The following TNKS2 variants were observed in gnomAD, a reference collection of about 807,000 sequenced individuals.
TNKS2 encodes tankyrase 2.
A neutral mutation model predicts 137.6 loss-of-function variants in TNKS2; 72 were observed. That is an observed-to-expected ratio of 0.52 (90% CI 0.43 to 0.64). The LOEUF (loss-of-function observed/expected upper bound fraction) is 0.64. Among genes scored for constraint, TNKS2 ranks in the 30% least tolerant of loss-of-function variants. The pLI is 0.00. For missense variants in TNKS2, 1,049 were observed against 1,410.2 expected, an observed-to-expected ratio of 0.74 and a Z score of 4.10; for synonymous variants, 516 against 512.1, an observed-to-expected ratio of 1.01 and a Z score of -0.10.
rs191112698 is a variant in TNKS2 at position 91,822,380 on chromosome 10, C to T, written c.795+18C>T. ...TGGTCAAGGTTAGTGCTCTTGTACT[C>T]TCCTAATTACTTTCTAGAGTTATAT... On this transcript the variant is annotated intron_variant, in intron 7 of 26. Coordinates refer to ENST00000371627, the MANE Select transcript of TNKS2 (RefSeq NM_025235.4). 2 of 1,574,002 alleles carry T rather than the reference C, an allele frequency of 1.3e-6. No homozygotes were observed. The highest frequency in any genetic ancestry group is 2.2e-5 in the East Asian group (1 of 44,590).
chr10:91,820,184 A>G (rs1844843694), intron 6 of TNKS2, 151 bp downstream of exon 6: 1 of 448,310 alleles, frequency 2.2e-6, no homozygotes, highest in Non-Finnish European at 3.9e-6. Context: ...GGCGCAGGAA[A>G]TTATAAAACC....
Position 91,833,881 on chromosome 10 carries a change from C to G in TNKS2, c.1304C>G (p.Thr435Ser), listed in dbSNP as rs778815237. ...AATGCTCTGGATAATCTTGGTCAGACTTCTCTACACAGAGCTGCATATTGT... is the reference window on the plus strand; with the variant it reads ...AATGCTCTGGATAATCTTGGTCAGAGTTCTCTACACAGAGCTGCATATTGT... ...KVNALDNLGQ[T>S]SLHRAAYCGH... Residue 435 changes from threonine (T) to serine (S), a missense_variant, in exon 12 of 27, where the codon ACT becomes AGT. Around this residue, in one of 6 missense-constraint regions of TNKS2, gnomAD observed 328 missense variants for 436.0 expected, o/e 0.75. Transcript: ENST00000371627. 48 of 1,603,968 alleles carry G rather than the reference C, an allele frequency of 3.0e-5. No individual in the cohort carries two copies. Among genetic ancestry groups the G allele is most frequent in the Non-Finnish European group, 4.1e-5 (48 of 1,177,004 alleles).
chr10:91,803,573 G>A (rs1203839495), intron 1 of TNKS2, among the ~76,000 whole-genome samples: 1 of 152,228 alleles, frequency 6.6e-6, no homozygotes, highest in Non-Finnish European at 1.5e-5. Flanking sequence ...AGCCAAGGCT[G>A]CAGTGAGCCG....
In TNKS2 at chr10:91,798,533, G is replaced by A. The variant is rs1224752220; in HGVS notation, c.-158G>A. ...AGCCCAGCGAGGGGCGCGCGTGGGCGCGGCCATGGGACTGCGCCGGATCCG... is the reference window on the plus strand; with the variant it reads ...AGCCCAGCGAGGGGCGCGCGTGGGCACGGCCATGGGACTGCGCCGGATCCG... On this transcript the variant is annotated 5_prime_UTR_variant, in exon 1 of 27. Transcript: ENST00000371627. The A allele has an allele frequency of 5.8e-6, 5 of 864,428 alleles. No homozygotes were observed. Among genetic ancestry groups the A allele is most frequent in the Non-Finnish European group, 7.5e-6 (5 of 666,178 alleles). The allele number at this position is 864,428 out of a possible 1,614,324, so 53.5% of individuals were successfully genotyped here.
chr10:91,862,144 AGAG>A lies in TNKS2; in HGVS notation c.3431_3433del (p.Gly1144del). ...AGCATTAGCTGAATATGTTATTTAC[AGAG>A]GAGAACAGGTAATGTAGTTTTATTT... On this transcript the variant is annotated inframe_deletion, in exon 26 of 27. Transcript: ENST00000371627. 1 of 1,598,568 alleles carries A rather than the reference AGAG, an allele frequency of 6.3e-7. No homozygotes were observed. The highest frequency in any genetic ancestry group is 1.3e-5 in the African/African-American group (1 of 74,284).
chr10:91,855,776 C>A, intron 23 of TNKS2, 88 bp downstream of exon 23: 2 of 939,708 alleles, frequency 2.1e-6, no homozygotes, highest in Non-Finnish European at 3.2e-6. Context: ...TCTAATCTGT[C>A]TAGCCTGGTA....
At chr10:91,812,927 T>C in intron 1 of TNKS2, 56 bp from the exon 2 acceptor site, 1 of 1,588,820 alleles carries the variant, frequency 6.3e-7, no homozygotes, top group East Asian at 2.2e-5. Context: ...GGTACTTATC[T>C]AATTTGATAT....
chr10:91,820,726 G>A (rs1245488984), intron 6 of TNKS2, among the ~76,000 whole-genome samples: 3 of 152,200 alleles, frequency 2.0e-5, no homozygotes, highest in African/African-American at 7.2e-5. Context: ...AGAGAGAGGA[G>A]ACTAGAAGCA....
At chr10:91,839,433 C>G (rs1564621332) in intron 13 of TNKS2, among the ~76,000 whole-genome samples, 1 of 152,062 alleles carries the variant, frequency 6.6e-6, no homozygotes, top group South Asian at 2.1e-4. Context: ...ACGTCTGCCT[C>G]CCAGGTTCAA....
intron 24 of TNKS2, among the ~76,000 whole-genome samples, chr10:91,858,309 A>G (rs1842764607): frequency 6.6e-6 from 1 of 152,182 alleles, no homozygotes; most frequent in African/African-American, 2.4e-5. Context: ...CCTTATTCCA[A>G]AACCCTAAAT....
At position 91,862,017 on chromosome 10, in the gene TNKS2, G is replaced by C; in HGVS notation, c.3300G>C (p.Arg1100=). 6.2e-7 allele frequency: 1 copy of C among 1,608,538 alleles called. No homozygotes were observed. The highest frequency in any genetic ancestry group is 8.5e-7 in the Non-Finnish European group (1 of 1,177,430). ...YICHRQLLFC[R]VTLGKSFLQF... is the part of the protein sequence containing the mutation. ...TTTATAGGCAGCTGCTCTTTTGCCG[G>C]GTAACCTTGGGAAAGTCTTTCCTGC... Residue 1100 remains arginine (R), a synonymous_variant, in exon 26 of 27, where the codon CGG becomes CGC. Transcript: ENST00000371627.
chr10:91,819,746 A>G (rs1047510475), intron 5 of TNKS2, among the ~76,000 whole-genome samples, 189 bp downstream of exon 5: 2 of 152,226 alleles, frequency 1.3e-5, no homozygotes, highest in African/African-American at 2.4e-5. Flanking sequence ...TTTGCTTCCT[A>G]TATGCAATAG....
intron 8 of TNKS2, among the ~76,000 whole-genome samples, chr10:91,828,043 G>T (rs541703661): frequency 6.6e-6 from 1 of 152,210 alleles, no homozygotes; most frequent in South Asian, 2.1e-4. Flanking sequence ...TGAATCTGCC[G>T]TGGGCTAAAC....
chr10:91,862,928 C>A lies in TNKS2; in HGVS notation c.3439-9C>A, dbSNP rs1217010616. 2 of 1,593,890 alleles carry A rather than the reference C, an allele frequency of 1.3e-6. No homozygotes were observed. Among genetic ancestry groups the A allele is most frequent in the East Asian group, 4.5e-5 (2 of 44,736 alleles). On this transcript the variant is annotated splice_polypyrimidine_tract_variant and intron_variant, in intron 26 of 26. Transcript: ENST00000371627. Reference sequence around the variant, plus strand: ...TGTACCATTATTTGAATTTATCTTTCTCTTCCAGGCTTATCCTGAGTATTT... The same window carrying A: ...TGTACCATTATTTGAATTTATCTTTATCTTCCAGGCTTATCCTGAGTATTT...
At position 91,827,217 on chromosome 10, in the gene TNKS2, T is replaced by G; in HGVS notation, c.982+14T>G. On this transcript the variant is annotated intron_variant, in intron 8 of 26. Transcript: ENST00000371627. ...AAAGATTAGCATGTGAGTATAAAAT[T>G]ATGAATGTTCAGGTAGGATATTATA... is the stretch of plus-strand genomic sequence containing the variant. The G allele has an allele frequency of 1.3e-6, 2 of 1,499,780 alleles. No homozygotes were observed. Among genetic ancestry groups the G allele is most frequent in the Non-Finnish European group, 1.8e-6 (2 of 1,118,054 alleles). 92.9% of individuals were successfully genotyped at this position (1,499,780 alleles called of 1,614,324 possible). A position where few individuals can be genotyped will look rare whatever the true frequency, so the allele number is the denominator to read the frequency against.
intron 5 of TNKS2, 84 bp downstream of exon 5, chr10:91,819,641 A>G: frequency 1.8e-6 from 2 of 1,099,798 alleles, no homozygotes; most frequent in East Asian, 2.5e-5. Context: ...AAATTGAAAC[A>G]TATTTGAAGA....
At chr10:91,827,251 CTG>C (rs1399664528) in intron 8 of TNKS2, 48 bp downstream of exon 8, 8 of 1,323,278 alleles carry the variant, frequency 6.0e-6, no homozygotes, top group African/African-American at 3.0e-5. Flanking sequence ...TATCAATAAA[CTG>C]AACATTTTTT....
chr10:91,819,932 A>G lies in TNKS2; in HGVS notation c.634-7A>G. ...AATTTCATTAATATATTTGATTAAT[A>G]TTTCAGTCAACTCCATTACATTTGG... On this transcript the variant is annotated splice_polypyrimidine_tract_variant and splice_region_variant and intron_variant, in intron 5 of 26. Coordinates refer to ENST00000371627, the MANE Select transcript of TNKS2 (RefSeq NM_025235.4). The G allele has an allele frequency of 1.3e-6, 2 of 1,537,082 alleles. No individual in the cohort carries two copies. Among genetic ancestry groups the G allele is most frequent in the Non-Finnish European group, 8.8e-7 (1 of 1,140,946 alleles).
intron 23 of TNKS2, among the ~76,000 whole-genome samples, chr10:91,856,607 G>T (rs2133680794): frequency 6.6e-6 from 1 of 152,286 alleles, no homozygotes; most frequent in South Asian, 2.1e-4. Flanking sequence ...ATTTGAGAAA[G>T]ATACAGTTTT....
Sources: allele counts gnomAD v4.1 joint callset (sites outside exome capture counted in the v4.1 genomes callset), GRCh38; gene constraint gnomAD v4.1.1; regional missense constraint gnomAD v4.1.1; transcripts MANE v1.5; gene names NCBI Gene and HGNC (gene_info 2026-07-23, HGNC 2026-07-21).